TECTA: variants seen among roughly 807,000 people sequenced by gnomAD.
TECTA encodes the protein alpha-tectorin.
A neutral mutation model predicts 216.8 loss-of-function variants in TECTA; 128 were observed. That is an observed-to-expected ratio of 0.59 (90% CI 0.51 to 0.68). The LOEUF (loss-of-function observed/expected upper bound fraction) is 0.68, where lower values mean the gene tolerates loss of function less well. TECTA is among the 30% of genes least tolerant of loss of function. TECTA has a pLI of 0.00. For missense variants in TECTA, 2,551 were observed against 2,786.2 expected (o/e 0.92, Z 1.90); for synonymous variants, 1,089 against 1,117.1 (o/e 0.97, Z 0.50).
At chr11:121,145,514 TG>T in intron 11 of TECTA, 40 bp from the exon 12 acceptor site, 2 of 1,606,380 alleles carry the variant, frequency 1.2e-6, no homozygotes, top group Non-Finnish European at 1.7e-6. Flanking sequence ...GGGAAATCTC[TG>T]GGCCAACTGT....
rs1946420516 is a variant in TECTA, at chr11:121,109,201, A to G, written c.199-10A>G. 3.1e-6 allele frequency: 5 copies of G among 1,613,960 alleles called. 1 individual carries two copies. The highest frequency in any genetic ancestry group is 4.2e-6 in the Non-Finnish European group (5 of 1,179,996). ...AGATCCACTGTGCAAAACCTCTCTTATTTTCGTAGGTCAATAACAACGGAG... is the reference window on the plus strand; with the variant it reads ...AGATCCACTGTGCAAAACCTCTCTTGTTTTCGTAGGTCAATAACAACGGAG... On this transcript the variant is annotated splice_polypyrimidine_tract_variant and intron_variant, in intron 3 of 23. Coordinates refer to ENST00000392793, the MANE Select transcript of TECTA (RefSeq NM_005422.4).
In TECTA at chr11:121,127,855, G is replaced by A. The variant is rs1946628705; in HGVS notation, c.1878G>A (p.Pro626=). ...CGGCCTCGCGGAACTGCGCCACGCC[G>A]TGCACAGAGGGCTGCGAGTGCAACC... The part of the protein sequence containing the change: ...DLTASRNCAT[P]CTEGCECNQG... The change falls in exon 9 of 24, where the codon CCG becomes CCA. Residue 626 remains proline, a synonymous_variant. Coordinates refer to ENST00000392793, the MANE Select transcript of TECTA (RefSeq NM_005422.4). This position sits in a 1 kb window ranked among gnomAD's most constrained non-coding sequence, Gnocchi z 5.0. The A allele has an allele frequency of 6.2e-7, 1 of 1,614,010 alleles. No homozygotes were observed. Among genetic ancestry groups the A allele is most frequent in the Non-Finnish European group, 8.5e-7 (1 of 1,180,016 alleles).
At chr11:121,160,491 A>G in intron 15 of TECTA, 70 bp downstream of exon 15, 2 of 1,585,738 alleles carry the variant, frequency 1.3e-6, no homozygotes, top group African/African-American at 1.3e-5. Context: ...GGTGGTGTGA[A>G]TGAGGAATGC....
chr11:121,133,453 G>T (rs149848362), intron 10 of TECTA, among the ~76,000 whole-genome samples: 1 of 152,234 alleles, frequency 6.6e-6, no homozygotes, highest in African/African-American at 2.4e-5. Flanking sequence ...GGTTCTTTTG[G>T]GGTGCCAGGA....
At chr11:121,101,557 C>G (rs950971405) in intron 1 of TECTA, 115 bp downstream of exon 1, 1 of 152,208 alleles carries the variant, frequency 6.6e-6, no homozygotes, top group Non-Finnish European at 1.5e-5. Context: ...TCCATTAAAG[C>G]TGTGTGTGAT....
intron 20 of TECTA, 108 bp downstream of exon 20, chr11:121,169,033 G>C (rs759786618): frequency 8.3e-5 from 130 of 1,558,998 alleles, no homozygotes; most frequent in Non-Finnish European, 1.1e-4. Context: ...CTGCCTACAA[G>C]GCCAGAATTT....
chr11:121,152,876 TC>T lies in TECTA; in HGVS notation c.4106-3del. 1 of 1,597,544 alleles carries T rather than the reference TC, an allele frequency of 6.3e-7. No individual in the cohort carries two copies. Among genetic ancestry groups the T allele is most frequent in the Non-Finnish European group, 8.6e-7 (1 of 1,167,022 alleles). ...GCGAGTCTTGACTTGTCTCTCTTGT[TC>T]CAGCTGTCACCTGCCCTCCAAACAG... On this transcript the variant is annotated splice_polypyrimidine_tract_variant and splice_region_variant and intron_variant, in intron 12 of 23. Transcript: ENST00000392793.
At chr11:121,119,011 ACACACACACACAC>A in intron 7 of TECTA, among the ~76,000 whole-genome samples, 1 of 149,840 alleles carries the variant, frequency 6.7e-6, no homozygotes, top group Admixed American at 6.6e-5. Flanking sequence ...ACACACACAC[ACACACACACACAC>A]ACACACACAC....
chr11:121,175,009 T>C (rs931846212), intron 20 of TECTA, among the ~76,000 whole-genome samples: 17 of 152,076 alleles, frequency 1.1e-4, no homozygotes, highest in African/African-American at 3.9e-4. Flanking sequence ...CTGATGGTAG[T>C]TTGTATTTCT....
rs879303876 is a variant in TECTA at position 121,176,688 on chromosome 11, G to A, written c.5999+7763G>A. ...TCTTCTTGAGGAGTATCTTTGTGGC[G>A]TTCTCTGTATTTCCTGAATCTGAAT... On this transcript the variant is annotated intron_variant, in intron 20 of 23. Coordinates refer to ENST00000392793, the MANE Select transcript of TECTA (RefSeq NM_005422.4). Among the ~76,000 whole-genome samples the A allele has an allele frequency of 3.8e-3, 570 of 149,000 alleles. 17 individuals are homozygous for A. Among genetic ancestry groups the A allele is most frequent in the Admixed American group, 0.032 (480 of 14,940 alleles).
intron 20 of TECTA, among the ~76,000 whole-genome samples, chr11:121,173,267 G>T (rs1947131143): frequency 6.6e-6 from 1 of 150,710 alleles, no homozygotes; most frequent in Non-Finnish European, 1.5e-5. Context: ...CCTTGCCCAT[G>T]CCTATGTCCT....
intron 4 of TECTA, among the ~76,000 whole-genome samples, chr11:121,112,217 C>T (rs1351438627): frequency 1.3e-5 from 2 of 152,166 alleles, no homozygotes; most frequent in Non-Finnish European, 2.9e-5. Flanking sequence ...AAACCATTTA[C>T]AAGTTTCATA....
chr11:121,113,348 C>T lies in TECTA; in HGVS notation c.624+139C>T, dbSNP rs1946461565. The T allele has an allele frequency of 1.3e-6, 2 of 1,493,432 alleles. No homozygotes were observed. The highest frequency in any genetic ancestry group is 1.8e-6 in the Non-Finnish European group (2 of 1,085,144). 92.5% of individuals were successfully genotyped at this position (1,493,432 alleles called of 1,614,324 possible). A position where few individuals can be genotyped will look rare whatever the true frequency, so the allele number is the denominator to read the frequency against. On this transcript the variant is annotated intron_variant, in intron 5 of 23. Transcript: ENST00000392793. This position sits in a 1 kb window ranked among gnomAD's most constrained non-coding sequence, Gnocchi z 4.2. The stretch of plus-strand genomic sequence containing the variant: ...CTGATCTCGCAGGTGGACTACGAGG[C>T]TAGTCCTGCCCATGTTTGGCACCCT...
chr11:121,137,723 T>C lies in TECTA; in HGVS notation c.3244T>C (p.Tyr1082His). 3 of 1,613,936 alleles carry C rather than the reference T, an allele frequency of 1.9e-6. No homozygotes were observed. Among genetic ancestry groups the C allele is most frequent in the South Asian group, 2.2e-5 (2 of 91,064 alleles). ...GACCATTCCCTGCAAGGATGATGAGTACTGCATGGAGGAAGGTGGCCTGTA... is the reference window on the plus strand; with the variant it reads ...GACCATTCCCTGCAAGGATGATGAGCACTGCATGGAGGAAGGTGGCCTGTA... ...CETIPCKDDE[Y>H]CMEEGGLYYC... The change falls in exon 11 of 24, where the codon TAC becomes CAC. Residue 1082 changes from tyrosine to histidine, a missense_variant. Physicochemically the swap from Tyr to His is moderately conservative, Grantham distance 83. Transcript: ENST00000392793.
In TECTA at chr11:121,102,822, G is replaced by A. The variant is rs1591433552; in HGVS notation, c.64+93G>A. On this transcript the variant is annotated intron_variant, in intron 2 of 23. Transcript: ENST00000392793. ...ATTGGAACCACAATTGTAAGGGCAG[G>A]TGCATGTGTGTCTACAGATACAAGA... 6 of 1,025,996 alleles carry A rather than the reference G, an allele frequency of 5.8e-6. No homozygotes were observed. In the East Asian group the frequency reaches 9.5e-5, roughly 16 times the overall value. 63.6% of individuals were successfully genotyped at this position (1,025,996 alleles called of 1,614,324 possible).
chr11:121,158,260 C>G (rs780032471), intron 14 of TECTA, 36 bp downstream of exon 14: 3 of 1,605,604 alleles, frequency 1.9e-6, no homozygotes, highest in East Asian at 2.2e-5. Flanking sequence ...AGAAGGGGCC[C>G]GGAAACAAGG....
chr11:121,154,436 G>A (rs1003331157), intron 13 of TECTA, among the ~76,000 whole-genome samples: 1 of 152,196 alleles, frequency 6.6e-6, no homozygotes, highest in African/African-American at 2.4e-5. Context: ...TATTTGAAAG[G>A]AAAAGGCAGA....
In TECTA at chr11:121,129,884, G is replaced by T. The variant is rs757886838; in HGVS notation, c.2614G>T (p.Ala872Ser). The change falls in exon 10 of 24, where the codon GCA (alanine) becomes TCA (serine). Residue 872 changes from alanine to serine, a missense_variant. Physicochemically the swap from Ala to Ser is moderately conservative, Grantham distance 99. Around this residue, in one of 3 missense-constraint regions of TECTA, gnomAD observed 2,375 missense variants for 2,563.9 expected, o/e 0.93. Transcript: ENST00000392793. Reference protein sequence around the residue: ...LPNGKCTDNLAVFLESWTTFE... With the variant: ...LPNGKCTDNLSVFLESWTTFE... The stretch of plus-strand genomic sequence containing the variant: ...CAACGGCAAGTGCACGGACAACCTG[G>T]CAGTGTTCCTGGAAAGCTGGACAAC... The T allele has an allele frequency of 2.5e-6, 4 of 1,614,200 alleles. No homozygotes were observed. The highest frequency in any genetic ancestry group is 2.5e-6 in the Non-Finnish European group (3 of 1,180,018).
In TECTA at chr11:121,113,647, A is replaced by G; in HGVS notation, c.719A>G (p.Asn240Ser). 1.9e-6 allele frequency: 3 copies of G among 1,613,978 alleles called. No individual in the cohort carries two copies. The highest frequency in any genetic ancestry group is 1.1e-5 in the South Asian group (1 of 91,052). ...AATATCCAGGAGACCACAAACGTCA[A>G]TGTTCCAGGCCGCTGGGCATTTAAA... is the stretch of plus-strand genomic sequence containing the variant. ...IVNIQETTNV[N>S]VPGRWAFKVD... Residue 240 changes from asparagine to serine, a missense_variant, in exon 6 of 24, where the codon AAT becomes AGT. Asn to Ser is a conservative substitution (Grantham distance 46, BLOSUM62 1). Coordinates refer to ENST00000392793, the MANE Select transcript of TECTA (RefSeq NM_005422.4). This position sits in a 1 kb window ranked among gnomAD's most constrained non-coding sequence, Gnocchi z 4.2.
Sources: allele counts gnomAD v4.1 joint callset (sites outside exome capture counted in the v4.1 genomes callset), GRCh38; gene constraint gnomAD v4.1.1; regional missense constraint gnomAD v4.1.1; non-coding constraint Gnocchi (gnomAD v3.1); transcripts MANE v1.5; gene names NCBI Gene and HGNC (gene_info 2026-07-23, HGNC 2026-07-21).